Variants in ENOX1 observed in about 807,000 individuals in gnomAD.
ENOX1 encodes the protein candidate growth-related and time keeping constitutive hydroquinone (NADH) oxidase.
ENOX1 carries 42 observed loss-of-function variants against 82.5 expected under a neutral mutation model. That is an observed-to-expected ratio of 0.51 (90% CI 0.40 to 0.66). The LOEUF (loss-of-function observed/expected upper bound fraction) is 0.66, where lower values mean the gene tolerates loss of function less well. ENOX1 is among the 30% of genes least tolerant of loss of function. The pLI is 0.00. For synonymous variants in ENOX1, 271 were observed against 282.2 expected, an observed-to-expected ratio of 0.96 and a Z score of 0.40; for missense variants, 608 against 811.6, an observed-to-expected ratio of 0.75 and a Z score of 3.05.
At chr13:43,310,030 C>T (rs905163973) in intron 11 of ENOX1, among the ~76,000 whole-genome samples, 4 of 151,750 alleles carry the variant, frequency 2.6e-5, no homozygotes, top group African/African-American at 9.7e-5. Flanking sequence ...AGTGAGACCC[C>T]GTCTCTACTA....
At position 43,697,104 on chromosome 13, in the gene ENOX1, G is replaced by A. The variant is rs182307487; in HGVS notation, c.-284-29560C>T. Among the ~76,000 whole-genome samples, 30 of 152,282 alleles carry A rather than the reference G, an allele frequency of 2.0e-4. No homozygotes were observed. In the East Asian group the frequency reaches 3.9e-3, roughly 20 times the overall value. On this transcript the variant is annotated intron_variant, in intron 1 of 16. Coordinates refer to ENST00000690772, the MANE Select transcript of ENOX1 (RefSeq NM_001347969.2). ...GGCATGGAAGATGGGATAGACCACT[G>A]TGCCATTAACAGAAAGGATGGTCAA...
chr13:43,637,800 C>G (rs1247108064), intron 2 of ENOX1, among the ~76,000 whole-genome samples: 1 of 152,128 alleles, frequency 6.6e-6, no homozygotes, highest in Non-Finnish European at 1.5e-5. Context: ...TGTTCCCTAA[C>G]AAATAATTTG....
chr13:43,338,936 T>A (rs375529052), intron 9 of ENOX1, among the ~76,000 whole-genome samples: 1 of 152,076 alleles, frequency 6.6e-6, no homozygotes, highest in Non-Finnish European at 1.5e-5. Context: ...CCGCCCGCCT[T>A]GGCCTCCCAA....
chr13:43,243,158 AAT>A (rs2042922644), intron 14 of ENOX1, among the ~76,000 whole-genome samples: 1 of 150,262 alleles, frequency 6.7e-6, no homozygotes, highest in Non-Finnish European at 1.5e-5. Context: ...AAAAAAAAAA[AAT>A]CTGAGTCCAG....
intron 3 of ENOX1, among the ~76,000 whole-genome samples, chr13:43,465,839 G>C (rs2153641135): frequency 6.6e-6 from 1 of 152,298 alleles, no homozygotes; most frequent in South Asian, 2.1e-4. Context: ...TCCTGACAAT[G>C]AGAAACCTGG....
chr13:43,501,039 A>G (rs1170907338), intron 2 of ENOX1, among the ~76,000 whole-genome samples: 2 of 151,842 alleles, frequency 1.3e-5, no homozygotes, highest in Non-Finnish European at 2.9e-5. Context: ...TAACAATAGT[A>G]TTTTACTTAT....
chr13:43,600,019 G>A (rs1037839531), intron 2 of ENOX1, among the ~76,000 whole-genome samples: 1 of 151,998 alleles, frequency 6.6e-6, no homozygotes, highest in African/African-American at 2.4e-5. Flanking sequence ...TCAGCAGTAG[G>A]ACCCAGGCAC....
chr13:43,675,509 C>T (rs1238439700), intron 1 of ENOX1, among the ~76,000 whole-genome samples: 3 of 152,144 alleles, frequency 2.0e-5, no homozygotes, highest in Non-Finnish European at 4.4e-5. Context: ...CATATACACA[C>T]ACATATATGC....
rs370124011 is a variant in ENOX1, at chr13:43,713,361, C to T, written c.-284-45817G>A. Among the ~76,000 whole-genome samples, 18 of 152,086 alleles carry T rather than the reference C, an allele frequency of 1.2e-4. No individual in the cohort carries two copies. The East Asian group carries it at 2.3e-3, about 20-fold the overall frequency. ...TGCATCAATGTTCATCAAGGATATT[C>T]GTCTAAAATTCTCTTTTTTGGTTGT... is the stretch of plus-strand genomic sequence containing the variant. On this transcript the variant is annotated intron_variant, in intron 1 of 16. Coordinates refer to ENST00000690772, the MANE Select transcript of ENOX1 (RefSeq NM_001347969.2).
At chr13:43,706,556 T>C (rs55656735) in intron 1 of ENOX1, among the ~76,000 whole-genome samples, 5,333 of 151,948 alleles carry the variant, frequency 0.035, 249 homozygotes, top group East Asian at 0.24. Flanking sequence ...AGCTTGACCA[T>C]ATGGTATTTT....
chr13:43,451,391 G>T (rs1594688251), intron 3 of ENOX1, among the ~76,000 whole-genome samples: 1 of 152,126 alleles, frequency 6.6e-6, no homozygotes, highest in East Asian at 1.9e-4. Context: ...CACAATGTAA[G>T]TACACAGGGC....
intron 5 of ENOX1, among the ~76,000 whole-genome samples, chr13:43,401,798 C>A (rs2053513244): frequency 6.6e-6 from 1 of 152,158 alleles, no homozygotes; most frequent in Non-Finnish European, 1.5e-5. Context: ...ATGAAATTAT[C>A]TCCAGTCTAA....
At chr13:43,423,998 A>C (rs1337631649) in intron 3 of ENOX1, among the ~76,000 whole-genome samples, 1 of 152,214 alleles carries the variant, frequency 6.6e-6, no homozygotes, top group Non-Finnish European at 1.5e-5. Context: ...AGTCGTCTTG[A>C]GGAAGGGATA....
At chr13:43,640,235 T>C (rs767249281) in intron 2 of ENOX1, among the ~76,000 whole-genome samples, 8 of 152,158 alleles carry the variant, frequency 5.3e-5, no homozygotes, top group African/African-American at 7.2e-5. Flanking sequence ...TATTGAAAAA[T>C]GTAATCTTTC....
chr13:43,705,334 A>C (rs918357465), intron 1 of ENOX1, among the ~76,000 whole-genome samples: 25 of 71,598 alleles, frequency 3.5e-4, no homozygotes, highest in East Asian at 7.9e-4. Context: ...CTCTCTCTAT[A>C]TATATATATA....
chr13:43,428,834 G>A (rs2055485726), intron 3 of ENOX1, among the ~76,000 whole-genome samples: 1 of 152,094 alleles, frequency 6.6e-6, no homozygotes, highest in Admixed American at 6.6e-5. Flanking sequence ...GCCACAAGCT[G>A]GATAAACCAG....
At position 43,378,927 on chromosome 13, in the gene ENOX1, G is replaced by A. The variant is rs574764023; in HGVS notation, c.209-17475C>T. On this transcript the variant is annotated intron_variant, in intron 5 of 16. Coordinates refer to ENST00000690772, the MANE Select transcript of ENOX1 (RefSeq NM_001347969.2). ...AGATTATTCTGGATTATTGATGGGG[G>A]CACAATATAATCACAAGAGTCCTAA... 2.6e-4 allele frequency among the ~76,000 whole-genome samples: 40 copies of A among 152,220 alleles called. No individual in the cohort carries two copies. In the South Asian group the frequency reaches 8.3e-3, roughly 32 times the overall value.
intron 5 of ENOX1, among the ~76,000 whole-genome samples, chr13:43,405,551 TAAGCA>T (rs1566135543): frequency 6.6e-6 from 1 of 152,188 alleles, no homozygotes; most frequent in Non-Finnish European, 1.5e-5. Flanking sequence ...CCCCACCTTC[TAAGCA>T]AATGGCTCTA....
intron 2 of ENOX1, among the ~76,000 whole-genome samples, chr13:43,565,003 G>A (rs886312945): frequency 4.6e-5 from 7 of 152,122 alleles, no homozygotes; most frequent in Non-Finnish European, 5.9e-5. Context: ...CTCTACTCTC[G>A]TGAGGCTTCT....
Sources: gnomAD v4.1 joint callset for allele counts (sites outside exome capture counted in the v4.1 genomes callset) on GRCh38, gnomAD v4.1.1 for gene constraint, MANE v1.5 for transcripts, NCBI Gene and HGNC (gene_info 2026-07-23, HGNC 2026-07-21) for gene names.